The following TLE1 variants were observed in gnomAD, a reference collection of about 807,000 sequenced individuals.
The protein encoded by TLE1 is transducin-like enhancer protein 1.
Under a neutral mutation model 89.8 loss-of-function variants are expected in TLE1, and 21 were observed. The observed-to-expected ratio is 0.23, with a 90% CI of 0.17 to 0.34. The LOEUF (loss-of-function observed/expected upper bound fraction) is 0.34. Ranked by LOEUF, TLE1 falls within the 10% of genes least tolerant of loss-of-function variation. The probability of loss-of-function intolerance (pLI) is 1.00; values close to 1 mark genes in which losing one functional copy is unlikely to be tolerated. For synonymous variants in TLE1, 447 were observed against 407.6 expected (o/e 1.10, Z -1.16); for missense variants, 795 against 1,031.2 (o/e 0.77, Z 3.14).
chr9:81,660,445 G>A (rs112877801), intron 4 of TLE1, among the ~76,000 whole-genome samples: 23 of 151,526 alleles, frequency 1.5e-4, no homozygotes, highest in African/African-American at 4.1e-4. Context: ...ACAGAGTCTC[G>A]TTCTGTCGCC....
intron 8 of TLE1, among the ~76,000 whole-genome samples, chr9:81,632,396 G>C (rs1231701193): frequency 6.6e-6 from 1 of 151,548 alleles, no homozygotes; most frequent in Non-Finnish European, 1.5e-5. Flanking sequence ...CACAGAAGAG[G>C]GGGGAAAAAA....
intron 6 of TLE1, among the ~76,000 whole-genome samples, chr9:81,639,053 C>T (rs763314890): frequency 6.6e-6 from 1 of 151,998 alleles, no homozygotes; most frequent in African/African-American, 2.4e-5. Context: ...CTCCTAAGTA[C>T]ATACTTAGCT....
Position 81,606,786 on chromosome 9 carries a change from AC to A in TLE1, c.1331+3433del, listed in dbSNP as rs764104183. 3.0e-3 allele frequency among the ~76,000 whole-genome samples: 432 copies of A among 142,734 alleles called. 4 individuals are homozygous for A. The highest frequency in any genetic ancestry group is 6.6e-3 in the African/African-American group (255 of 38,454). 93.6% of individuals were successfully genotyped at this position (142,734 alleles called of 152,430 possible). ...AACTTAAAGTATAATTAAAAAAAAA[AC>A]CATATATATATATATAGAGAGAGAG... On this transcript the variant is annotated intron_variant, in intron 14 of 19. Transcript: ENST00000376499.
chr9:81,668,896 T>A (rs1831847946), intron 4 of TLE1, among the ~76,000 whole-genome samples: 1 of 152,216 alleles, frequency 6.6e-6, no homozygotes, highest in Non-Finnish European at 1.5e-5. Context: ...AATTCACAAG[T>A]TATTTTACAA....
intron 12 of TLE1, 131 bp from the exon 13 acceptor site, chr9:81,612,090 G>A: frequency 1.4e-6 from 1 of 736,320 alleles, no homozygotes. Flanking sequence ...TAGGGGAGGG[G>A]GAAAATCACC....
intron 8 of TLE1, among the ~76,000 whole-genome samples, chr9:81,625,995 G>A (rs1825861926): frequency 6.8e-6 from 1 of 146,718 alleles, no homozygotes; most frequent in African/African-American, 2.5e-5. Flanking sequence ...AGGCCTTCAT[G>A]AATCCTAAGA....
chr9:81,639,469 C>T (rs530475462), intron 6 of TLE1, among the ~76,000 whole-genome samples: 2 of 151,656 alleles, frequency 1.3e-5, no homozygotes, highest in Non-Finnish European at 2.9e-5. Flanking sequence ...TCTATCTAGG[C>T]ATTAGTTTAC....
chr9:81,637,986 A>G lies in TLE1; in HGVS notation c.373-3685T>C, dbSNP rs1588073436. Among the ~76,000 whole-genome samples the G allele has an allele frequency of 2.6e-5, 4 of 152,292 alleles. No individual in the cohort carries two copies. In the Middle Eastern group the frequency reaches 0.014, roughly 518 times the overall value. On this transcript the variant is annotated intron_variant, in intron 6 of 19. Transcript: ENST00000376499. ...TTTCCTAGGACAAGATTTCTCCTGTAACCCCAGCAGCTCAATCATGTTCTC... is the reference window on the plus strand; with the variant it reads ...TTTCCTAGGACAAGATTTCTCCTGTGACCCCAGCAGCTCAATCATGTTCTC...
chr9:81,612,071 T>C, intron 12 of TLE1, 112 bp from the exon 13 acceptor site: 8 of 878,432 alleles, frequency 9.1e-6, no homozygotes, highest in Non-Finnish European at 1.2e-5. Flanking sequence ...GAGAAAGAGG[T>C]AAGGCTTCTA....
chr9:81,637,268 GA>G lies in TLE1; in HGVS notation c.373-2968del, dbSNP rs903368804. ...AGCTACTTGAAAGGCTGAGGTGGGA[GA>G]ATCGCTTGAACTTGGAAAGCAGAGG... On this transcript the variant is annotated intron_variant, in intron 6 of 19. Coordinates refer to ENST00000376499, the MANE Select transcript of TLE1 (RefSeq NM_005077.5). Among the ~76,000 whole-genome samples, 138 of 152,296 alleles carry G rather than the reference GA, an allele frequency of 9.1e-4. 1 individual carries two copies. Among genetic ancestry groups the G allele is most frequent in the African/African-American group, 3.0e-3 (123 of 41,546 alleles).
intron 8 of TLE1, chr9:81,620,886 T>C (rs1437608415): frequency 1.6e-6 from 1 of 615,936 alleles, no homozygotes; most frequent in East Asian, 4.8e-5. Flanking sequence ...CCACTGCGAC[T>C]TCCTGGTCAG....
intron 14 of TLE1, among the ~76,000 whole-genome samples, chr9:81,606,066 A>G (rs1831613313): frequency 6.6e-6 from 1 of 152,218 alleles, no homozygotes; most frequent in African/African-American, 2.4e-5. Flanking sequence ...CAAAACCACA[A>G]TGAGATACCA....
At chr9:81,656,470 A>C (rs966984609) in intron 4 of TLE1, among the ~76,000 whole-genome samples, 2 of 152,196 alleles carry the variant, frequency 1.3e-5, no homozygotes, top group African/African-American at 2.4e-5. Context: ...CTTTGAACTC[A>C]TACACATGCA....
chr9:81,607,441 T>G (rs1366942116), intron 14 of TLE1, among the ~76,000 whole-genome samples: 1 of 152,142 alleles, frequency 6.6e-6, no homozygotes, highest in East Asian at 1.9e-4. Flanking sequence ...CTCACCCGCC[T>G]TCCCCCACTG....
At chr9:81,676,210 TA>T (rs145325305) in intron 4 of TLE1, among the ~76,000 whole-genome samples, 1,796 of 152,204 alleles carry the variant, frequency 0.012, 30 homozygotes, top group African/African-American at 0.041. Flanking sequence ...CCACTACACA[TA>T]AGGAGTACCC....
At chr9:81,624,103 A>G (rs377563316) in intron 8 of TLE1, among the ~76,000 whole-genome samples, 19 of 152,302 alleles carry the variant, frequency 1.2e-4, no homozygotes, top group African/African-American at 4.3e-4. Flanking sequence ...AAACTTACTT[A>G]AAATCCACCC....
At chr9:81,630,303 T>G (rs1474706399) in intron 8 of TLE1, among the ~76,000 whole-genome samples, 1 of 152,156 alleles carries the variant, frequency 6.6e-6, no homozygotes, top group Non-Finnish European at 1.5e-5. Context: ...AGGATGAGAA[T>G]CCAGCTATCC....
Position 81,605,718 on chromosome 9 carries a change from T to A in TLE1, c.1331+4502A>T, listed in dbSNP as rs574871971. ...CAGGACATAGGCATGGGCAAAGACT[T>A]CATGACTAAAACACCAAAAGCAATG... On this transcript the variant is annotated intron_variant, in intron 14 of 19. Coordinates refer to ENST00000376499, the MANE Select transcript of TLE1 (RefSeq NM_005077.5). Among the ~76,000 whole-genome samples, 18 of 151,864 alleles carry A rather than the reference T, an allele frequency of 1.2e-4. No individual in the cohort carries two copies. The East Asian group carries it at 3.5e-3, about 29-fold the overall frequency.
intron 8 of TLE1, among the ~76,000 whole-genome samples, chr9:81,627,271 C>G (rs1826019073): frequency 6.6e-6 from 1 of 150,444 alleles, no homozygotes. Context: ...TTACAGAGCA[C>G]AAACTCAAGT....
Sources: gnomAD v4.1 joint callset for allele counts (sites outside exome capture counted in the v4.1 genomes callset) on GRCh38, gnomAD v4.1.1 for gene constraint, MANE v1.5 for transcripts, NCBI Gene and HGNC (gene_info 2026-07-23, HGNC 2026-07-21) for gene names.